The following TENM4 variants were observed in gnomAD, a reference collection of about 807,000 sequenced individuals.
The protein encoded by TENM4 is teneurin transmembrane protein 4.
A neutral mutation model predicts 243.3 loss-of-function variants in TENM4; 82 were observed. That is an observed-to-expected ratio of 0.34 (90% CI 0.28 to 0.40). The LOEUF (loss-of-function observed/expected upper bound fraction) is 0.40. TENM4 is among the 10% of genes least tolerant of loss of function. TENM4 has a pLI of 1.00. For synonymous variants in TENM4, 1,412 were observed against 1,456.3 expected, an observed-to-expected ratio of 0.97 and a Z score of 0.69; for missense variants, 3,138 against 3,673.3, an observed-to-expected ratio of 0.85 and a Z score of 3.77.
chr11:79,260,529 A>G (rs1289361662), intron 2 of TENM4, among the ~76,000 whole-genome samples: 1 of 152,216 alleles, frequency 6.6e-6, no homozygotes, highest in Non-Finnish European at 1.5e-5. Context: ...GATTTACTTC[A>G]GGTAATGGAA....
At chr11:78,969,882 A>G (rs1241694505) in intron 6 of TENM4, among the ~76,000 whole-genome samples, 1 of 152,254 alleles carries the variant, frequency 6.6e-6, no homozygotes, top group African/African-American at 2.4e-5. Flanking sequence ...GACACCTAGA[A>G]AGAAAATAAA....
intron 4 of TENM4, chr11:79,098,124 C>T (rs182486808): frequency 6.6e-6 from 1 of 152,324 alleles, no homozygotes; most frequent in East Asian, 1.9e-4. Flanking sequence ...ACCAGATCAT[C>T]CATTCCCAGG....
At position 78,715,002 on chromosome 11, in the gene TENM4, T is replaced by C. The variant is rs186379398; in HGVS notation, c.3822-2288A>G. On this transcript the variant is annotated intron_variant, in intron 25 of 33. Transcript: ENST00000278550. ...ATTTTGTTCGTTTTTGTTTTTCCAA[T>C]GTTCTGCTTCGTGCCTTCTAGCCCA... is the stretch of plus-strand genomic sequence containing the variant. Among the ~76,000 whole-genome samples, 14 of 152,360 alleles carry C rather than the reference T, an allele frequency of 9.2e-5. No individual in the cohort carries two copies. In the East Asian group the frequency reaches 2.7e-3, roughly 29 times the overall value.
chr11:79,349,570 GT>G (rs1430689386), intron 1 of TENM4, among the ~76,000 whole-genome samples: 2 of 152,170 alleles, frequency 1.3e-5, no homozygotes, highest in Non-Finnish European at 2.9e-5. Context: ...AGGTTTTGCA[GT>G]GAATAAGACA....
At chr11:79,121,431 C>G (rs1010294646) in intron 4 of TENM4, among the ~76,000 whole-genome samples, 1 of 152,202 alleles carries the variant, frequency 6.6e-6, no homozygotes, top group Non-Finnish European at 1.5e-5. Flanking sequence ...TTGGGAGAAA[C>G]CCCTGACACA....
chr11:79,019,817 A>G (rs1858880849), intron 6 of TENM4, among the ~76,000 whole-genome samples: 2 of 152,216 alleles, frequency 1.3e-5, no homozygotes, highest in East Asian at 3.9e-4. Flanking sequence ...TTGGGAGTTA[A>G]GGGAACATCC....
intron 4 of TENM4, among the ~76,000 whole-genome samples, chr11:79,083,923 C>A (rs2137035162): frequency 6.6e-6 from 1 of 152,194 alleles, no homozygotes; most frequent in East Asian, 1.9e-4. Context: ...TTTTTGCAAA[C>A]CACATACTAA....
At chr11:78,999,594 A>G (rs1044047653) in intron 6 of TENM4, among the ~76,000 whole-genome samples, 2 of 152,216 alleles carry the variant, frequency 1.3e-5, no homozygotes, top group African/African-American at 2.4e-5. Context: ...AACAATCTTC[A>G]TAAGTGAAAA....
rs766854452 is a variant in TENM4 at position 78,786,899 on chromosome 11, G to A, written c.2364C>T (p.Ile788=). The change falls in exon 16 of 34, where the codon ATC becomes ATT. Residue 788 remains isoleucine (I), a splice_region_variant and synonymous_variant. Coordinates refer to ENST00000278550, the MANE Select transcript of TENM4 (RefSeq NM_001098816.3). ...SPGWNGEHCT[I]AHYLDRVVKE... is the part of the protein sequence containing the mutation. ...CCCGGGGACCTCGGCCCGCCATACC[G>A]ATGGTGCAGTGTTCGCCATTCCAGC... 9 of 1,607,504 alleles carry A rather than the reference G, an allele frequency of 5.6e-6. No individual in the cohort carries two copies. The highest frequency in any genetic ancestry group is 4.5e-5 in the East Asian group (2 of 44,666).
intron 6 of TENM4, among the ~76,000 whole-genome samples, chr11:78,971,799 AT>A (rs1408662808): frequency 2.0e-5 from 3 of 151,866 alleles, no homozygotes; most frequent in African/African-American, 7.3e-5. Flanking sequence ...ATTAAAAAAA[AT>A]GTTAAAAAGG....
chr11:78,983,439 C>A (rs150443524), intron 6 of TENM4, among the ~76,000 whole-genome samples: 1 of 152,346 alleles, frequency 6.6e-6, no homozygotes, highest in East Asian at 1.9e-4. Flanking sequence ...CTAAACTGTG[C>A]CCTAGTCTGT....
chr11:79,335,471 C>A (rs1455110424), intron 1 of TENM4, among the ~76,000 whole-genome samples: 1 of 152,200 alleles, frequency 6.6e-6, no homozygotes, highest in African/African-American at 2.4e-5. Flanking sequence ...TCTTCTCAAG[C>A]TGCCCAAACC....
intron 25 of TENM4, among the ~76,000 whole-genome samples, chr11:78,714,053 A>G (rs1859464767): frequency 6.6e-6 from 1 of 152,198 alleles, no homozygotes; most frequent in Non-Finnish European, 1.5e-5. Flanking sequence ...ACAGTGAGGC[A>G]TAAACTGTGC....
At chr11:78,773,267 G>A (rs186469686) in intron 17 of TENM4, among the ~76,000 whole-genome samples, 36 of 152,288 alleles carry the variant, frequency 2.4e-4, no homozygotes, top group Non-Finnish European at 4.7e-4. Flanking sequence ...ACAAGCTTGA[G>A]AGGCATATCA....
chr11:78,890,603 G>C (rs777827872), intron 8 of TENM4, among the ~76,000 whole-genome samples: 50 of 152,308 alleles, frequency 3.3e-4, no homozygotes, highest in Non-Finnish European at 6.3e-4. Flanking sequence ...CTGTCACACA[G>C]CCAATGGCAG....
intron 2 of TENM4, among the ~76,000 whole-genome samples, chr11:79,263,473 A>T (rs1389092488): frequency 6.6e-6 from 1 of 152,232 alleles, no homozygotes; most frequent in African/African-American, 2.4e-5. Flanking sequence ...CATTGAGAAC[A>T]TTGCTTGTTT....
chr11:79,135,298 CCA>C (rs947648895), intron 4 of TENM4, among the ~76,000 whole-genome samples: 23 of 152,008 alleles, frequency 1.5e-4, no homozygotes, highest in African/African-American at 5.3e-4. Context: ...CAATGTGATA[CCA>C]CCTTACTCCT....
rs959101938 is a variant in TENM4, at chr11:79,268,130, G to A, written c.-265+29358C>T. On this transcript the variant is annotated intron_variant, in intron 2 of 33. Transcript: ENST00000278550. Reference sequence around the variant, plus strand: ...AAAATTCTGGTATTGAGACAAGAGAGAACTTTCTCAACTGTGAACTCAAAG... The same window carrying A: ...AAAATTCTGGTATTGAGACAAGAGAAAACTTTCTCAACTGTGAACTCAAAG... Among the ~76,000 whole-genome samples, 17 of 152,232 alleles carry A rather than the reference G, an allele frequency of 1.1e-4. 1 individual carries two copies. The highest frequency in any genetic ancestry group is 8.5e-4 in the Admixed American group (13 of 15,284).
chr11:79,157,748 C>G (rs1417145674), intron 3 of TENM4, among the ~76,000 whole-genome samples: 1 of 152,224 alleles, frequency 6.6e-6, no homozygotes. Flanking sequence ...GGTTCCATAC[C>G]TCCTTGCTTT....
Sources: allele counts gnomAD v4.1 joint callset (sites outside exome capture counted in the v4.1 genomes callset), GRCh38; gene constraint gnomAD v4.1.1; transcripts MANE v1.5; gene names NCBI Gene and HGNC (gene_info 2026-07-23, HGNC 2026-07-21).